The following KLHL17 variants were observed in gnomAD, a reference collection of about 807,000 sequenced individuals.
KLHL17 encodes the protein kelch like family member 17, also known as kelch-like protein 17.
A neutral mutation model predicts 64.6 loss-of-function variants in KLHL17; 71 were observed. That is an observed-to-expected ratio of 1.10 (90% CI 0.91 to 1.34). The LOEUF is 1.34. Ranked by LOEUF, KLHL17 falls within the 40% of genes most tolerant of loss-of-function variation. The pLI, the probability that KLHL17 is intolerant of heterozygous loss-of-function variation, is 0.00. For missense variants in KLHL17, 1,140 were observed against 935.0 expected (o/e 1.22, Z -2.86); for synonymous variants, 612 against 405.4 (o/e 1.51, Z -6.12).
Position 965,095 on chromosome 1 carries a change from C to T in KLHL17, c.1833C>T (p.Phe611=), listed in dbSNP as rs777819874. The part of the protein sequence containing the change: ...TNKWVAASCM[F]TRRSSVGVAV... ...AGTGGGTGGCCGCATCCTGCATGTTCACCCGGCGCAGCAGTGTGGGTGTGG... is the reference window on the plus strand; with the variant it reads ...AGTGGGTGGCCGCATCCTGCATGTTTACCCGGCGCAGCAGTGTGGGTGTGG... The change falls in exon 12 of 12, where the codon TTC becomes TTT. Residue 611 remains phenylalanine (F), a synonymous_variant. Transcript: ENST00000338591. 4 of 1,612,642 alleles carry T rather than the reference C, an allele frequency of 2.5e-6. No individual in the cohort carries two copies. The African/African-American group carries it at 5.3e-5, about 22-fold the overall frequency.
At chr1:960,822 C>T in intron 1 of KLHL17, 22 bp downstream of exon 1, 1 of 991,194 alleles carries the variant, frequency 1.0e-6, no homozygotes, top group Non-Finnish European at 1.2e-6. Context: ...GGGGTCGGGG[C>T]GCGGGGGGCG....
intron 4 of KLHL17, 129 bp downstream of exon 4, chr1:962,176 G>A (rs371364043): frequency 3.2e-5 from 40 of 1,257,232 alleles, no homozygotes; most frequent in Middle Eastern, 3.8e-4. Context: ...GTGTGTCCCC[G>A]AGACCTTTCT....
At position 961,468 on chromosome 1, in the gene KLHL17, G is replaced by A; in HGVS notation, c.283G>A (p.Val95Ile). 1 of 1,612,506 alleles carries A rather than the reference G, an allele frequency of 6.2e-7. No homozygotes were observed. The highest frequency in any genetic ancestry group is 1.1e-5 in the South Asian group (1 of 91,080). ...MRQRGLLCDI[V>I]LHVAAKEIRA... ...CCAGCGCGGCCTCCTGTGCGACATCGTCCTGCACGTGGCTGCCAAGGAGAT... is the reference window on the plus strand; with the variant it reads ...CCAGCGCGGCCTCCTGTGCGACATCATCCTGCACGTGGCTGCCAAGGAGAT... The change falls in exon 2 of 12, where the codon GTC (valine) becomes ATC (isoleucine). Residue 95 changes from valine (V) to isoleucine (I), a missense_variant. Val to Ile is a conservative substitution (Grantham distance 29). Coordinates refer to ENST00000338591, the MANE Select transcript of KLHL17 (RefSeq NM_198317.3).
At position 961,984 on chromosome 1, in the gene KLHL17, C is replaced by G; in HGVS notation, c.648C>G (p.Tyr216Ter). The change falls in exon 4 of 12, where the codon TAC (tyrosine) becomes TAG (stop). Residue 216 changes from tyrosine to a stop codon, truncating the protein, a stop_gained. Transcript: ENST00000338591. LOFTEE classifies it high-confidence loss of function. ...CSDLLKAAHR[Y>*]VLQHFVDVAK... ...ACCTGCTCAAGGCCGCCCACAGGTA[C>G]GTGCTGCAGCACTTCGTGGACGTGG... is the stretch of plus-strand genomic sequence containing the variant. 3.1e-6 allele frequency: 5 copies of G among 1,612,948 alleles called. No individual in the cohort carries two copies. The highest frequency in any genetic ancestry group is 4.2e-6 in the Non-Finnish European group (5 of 1,180,020).
At chr1:961,228 C>T (rs999900219) in intron 1 of KLHL17, 65 bp from the exon 2 acceptor site, 14 of 1,199,300 alleles carry the variant, frequency 1.2e-5, no homozygotes, top group East Asian at 3.5e-5. Flanking sequence ...CCCGGGCCCC[C>T]CAGCGGCTCC....
intron 1 of KLHL17, 56 bp from the exon 2 acceptor site, chr1:961,237 C>T (rs1642629360): frequency 7.8e-7 from 1 of 1,279,350 alleles, no homozygotes; most frequent in Non-Finnish European, 9.8e-7. Flanking sequence ...CCCAGCGGCT[C>T]CAGGGCGGGC....
Position 961,997 on chromosome 1 carries a change from T to A in KLHL17, c.661T>A (p.Phe221Ile), listed in dbSNP as rs1642676514. Residue 221 changes from phenylalanine (F) to isoleucine (I), a missense_variant, in exon 4 of 12, where the codon TTC becomes ATC. Physicochemically the swap from Phe to Ile is conservative, Grantham distance 21. Coordinates refer to ENST00000338591, the MANE Select transcript of KLHL17 (RefSeq NM_198317.3). Reference sequence around the variant, plus strand: ...CGCCCACAGGTACGTGCTGCAGCACTTCGTGGACGTGGCCAAGACCGAGGA... The same window carrying A: ...CGCCCACAGGTACGTGCTGCAGCACATCGTGGACGTGGCCAAGACCGAGGA... ...KAAHRYVLQHFVDVAKTEEFM... is the reference protein window; with the variant it reads ...KAAHRYVLQHIVDVAKTEEFM... 1 of 1,612,784 alleles carries A rather than the reference T, an allele frequency of 6.2e-7. No individual in the cohort carries two copies. The highest frequency in any genetic ancestry group is 8.5e-7 in the Non-Finnish European group (1 of 1,180,024).
Position 962,472 on chromosome 1 carries a change from G to A in KLHL17, c.828+1G>A. ...CGCCCGCAGGCAGCATGTCCCACGG[G>A]TGAGGCGCGGCCGCGGGGGGCTCCC... On this transcript the variant is annotated splice_donor_variant, in intron 5 of 11. Coordinates refer to ENST00000338591, the MANE Select transcript of KLHL17 (RefSeq NM_198317.3). LOFTEE classifies it high-confidence loss of function. 6.2e-7 allele frequency: 1 copy of A among 1,612,320 alleles called. No individual in the cohort carries two copies. Among genetic ancestry groups the A allele is most frequent in the Non-Finnish European group, 8.5e-7 (1 of 1,179,734 alleles).
Position 963,458 on chromosome 1 carries a change from C to T in KLHL17, c.1309C>T (p.Leu437Phe), listed in dbSNP as rs1642751714. The change falls in exon 8 of 12, where the codon CTC becomes TTC. Residue 437 changes from leucine to phenylalanine, a missense_variant. Physicochemically the swap from Leu to Phe is conservative, Grantham distance 22. Coordinates refer to ENST00000338591, the MANE Select transcript of KLHL17 (RefSeq NM_198317.3). The stretch of plus-strand genomic sequence containing the variant: ...CCTGGGTGTGGCCGCCTTGCATGGA[C>T]TCCTGTACTCGGCCGGCGGCTATGA... ...SCLGVAALHGLLYSAGGYDGA... is the reference protein window; with the variant it reads ...SCLGVAALHGFLYSAGGYDGA... 3 of 1,611,986 alleles carry T rather than the reference C, an allele frequency of 1.9e-6. No individual in the cohort carries two copies. The highest frequency in any genetic ancestry group is 2.2e-5 in the South Asian group (2 of 91,062).
rs759482935 is a variant in KLHL17, at chr1:963,364, C to G, written c.1215C>G (p.Thr405=). The change falls in exon 8 of 12, where the codon ACC becomes ACG. Residue 405 remains threonine, a synonymous_variant. Coordinates refer to ENST00000338591, the MANE Select transcript of KLHL17 (RefSeq NM_198317.3). ...GGYDGTSDLA[T]VESYDPVTNT... Reference sequence around the variant, plus strand: ...ATGATGGGACCTCAGACCTGGCTACCGTGGAGTCCTACGACCCCGTGACTA... The same window carrying G: ...ATGATGGGACCTCAGACCTGGCTACGGTGGAGTCCTACGACCCCGTGACTA... 3 of 1,611,644 alleles carry G rather than the reference C, an allele frequency of 1.9e-6. No individual in the cohort carries two copies. Among genetic ancestry groups the G allele is most frequent in the Admixed American group, 3.3e-5 (2 of 59,958 alleles).
At position 963,408 on chromosome 1, in the gene KLHL17, T is replaced by C. The variant is rs762343181; in HGVS notation, c.1259T>C (p.Val420Ala). The stretch of plus-strand genomic sequence containing the variant: ...GTGACTAACACGTGGCAGCCGGAGG[T>C]GTCCATGGGCACAAGGCGAAGCTGC... ...DPVTNTWQPEVSMGTRRSCLG... is the reference protein window; with the variant it reads ...DPVTNTWQPEASMGTRRSCLG... Residue 420 changes from valine (V) to alanine (A), a missense_variant, in exon 8 of 12, where the codon GTG becomes GCG. Physicochemically the swap from Val to Ala is moderately conservative, Grantham distance 64. Transcript: ENST00000338591. 2 of 1,612,580 alleles carry C rather than the reference T, an allele frequency of 1.2e-6. No homozygotes were observed. The highest frequency in any genetic ancestry group is 1.7e-5 in the Admixed American group (1 of 60,012).
Position 963,392 on chromosome 1 carries a change from A to G in KLHL17, c.1243A>G (p.Thr415Ala), listed in dbSNP as rs1200570033. Residue 415 changes from threonine to alanine, a missense_variant, in exon 8 of 12, where the codon ACG becomes GCG. By Grantham distance (58) the Thr-to-Ala change is moderately conservative. Transcript: ENST00000338591. The part of the protein sequence containing the change: ...TVESYDPVTN[T>A]WQPEVSMGTR... ...GGAGTCCTACGACCCCGTGACTAAC[A>G]CGTGGCAGCCGGAGGTGTCCATGGG... The G allele has an allele frequency of 1.2e-6, 2 of 1,612,612 alleles. No individual in the cohort carries two copies. The highest frequency in any genetic ancestry group is 2.2e-5 in the South Asian group (2 of 91,068).
At chr1:963,017 C>T (rs763425178) in intron 6 of KLHL17, 92 bp from the exon 7 acceptor site, 24 of 1,538,010 alleles carry the variant, frequency 1.6e-5, no homozygotes, top group East Asian at 4.8e-5. Flanking sequence ...CCTGCCCCTC[C>T]GCCCCTCCAT....
At chr1:963,569 C>A in intron 8 of KLHL17, 65 bp downstream of exon 8, 1 of 1,517,514 alleles carries the variant, frequency 6.6e-7, no homozygotes, top group South Asian at 1.3e-5. Flanking sequence ...TTTGTGTCAC[C>A]ATCACAGGGG....
chr1:961,570 C>T lies in KLHL17; in HGVS notation c.367+18C>T, dbSNP rs74045023. 34 of 1,612,566 alleles carry T rather than the reference C, an allele frequency of 2.1e-5. No homozygotes were observed. Among genetic ancestry groups the T allele is most frequent in the Non-Finnish European group, 2.9e-5 (34 of 1,179,978 alleles). The stretch of plus-strand genomic sequence containing the variant: ...GTTCACAAGCAAGTACCCGCCTGGG[C>T]GGCGCTGGGGGCTCCGTGGGTCCCT... On this transcript the variant is annotated intron_variant, in intron 2 of 11. Transcript: ENST00000338591.
In KLHL17 at chr1:965,476, G is replaced by A. The variant is rs949352143; in HGVS notation, c.*285G>A. ...GCGGGGGCCTCACCGCCCCAGGGCC[G>A]TTGCCTGCTCAGACCTTGCAGGCTG... On this transcript the variant is annotated 3_prime_UTR_variant, in exon 12 of 12. Transcript: ENST00000338591. 4.3e-5 allele frequency: 21 copies of A among 489,018 alleles called. No individual in the cohort carries two copies. The highest frequency in any genetic ancestry group is 5.9e-5 in the African/African-American group (3 of 50,916). 30.3% of individuals were successfully genotyped at this position (489,018 alleles called of 1,614,324 possible).
chr1:962,233 C>T (rs777425140), intron 4 of KLHL17, 122 bp from the exon 5 acceptor site: 24 of 1,502,648 alleles, frequency 1.6e-5, no homozygotes, highest in Middle Eastern at 1.7e-4. Flanking sequence ...TGACTCTGCT[C>T]GGCCCCTCCC....
chr1:961,669 C>T lies in KLHL17; in HGVS notation c.408C>T (p.His136=), dbSNP rs760029387. 1 of 1,612,492 alleles carries T rather than the reference C, an allele frequency of 6.2e-7. No homozygotes were observed. The highest frequency in any genetic ancestry group is 1.7e-5 in the Admixed American group (1 of 59,930). Residue 136 remains histidine (H), a synonymous_variant, in exon 3 of 12, where the codon CAC becomes CAT. Coordinates refer to ENST00000338591, the MANE Select transcript of KLHL17 (RefSeq NM_198317.3). ...GCCGCCAGACCCACGTGACGCTGCACGACATCGACCCTCAGGCCTTGGACC... is the reference window on the plus strand; with the variant it reads ...GCCGCCAGACCCACGTGACGCTGCATGACATCGACCCTCAGGCCTTGGACC... The part of the protein sequence containing the change: ...SESRQTHVTL[H]DIDPQALDQL...
In KLHL17 at chr1:961,483, G is replaced by T. The variant is rs1478023312; in HGVS notation, c.298G>T (p.Ala100Ser). 6.2e-7 allele frequency: 1 copy of T among 1,612,402 alleles called. No homozygotes were observed. The highest frequency in any genetic ancestry group is 1.7e-5 in the Admixed American group (1 of 59,988). ...GTGCGACATCGTCCTGCACGTGGCT[G>T]CCAAGGAGATCCGTGCGCACAAAGT... The part of the protein sequence containing the change: ...LLCDIVLHVA[A>S]KEIRAHKVVL... Residue 100 changes from alanine to serine, a missense_variant, in exon 2 of 12, where the codon GCC (alanine) becomes TCC (serine). Coordinates refer to ENST00000338591, the MANE Select transcript of KLHL17 (RefSeq NM_198317.3).
Sources: gnomAD v4.1 joint callset for allele counts on GRCh38, gnomAD v4.1.1 for gene constraint, MANE v1.5 for transcripts, NCBI Gene and HGNC (gene_info 2026-07-23, HGNC 2026-07-21) for gene names.